The following DYNC1H1 variants were observed in gnomAD, a reference collection of about 807,000 sequenced individuals.
DYNC1H1 encodes cytoplasmic dynein 1 heavy chain 1.
A neutral mutation model predicts 527.1 loss-of-function variants in DYNC1H1; 51 were observed. That is an observed-to-expected ratio of 0.10 (90% CI 0.08 to 0.12). DYNC1H1 has a LOEUF of 0.12. Ranked by LOEUF, DYNC1H1 falls within the 10% of genes least tolerant of loss-of-function variation. The pLI is 1.00. For missense variants in DYNC1H1, 2,771 were observed against 5,971.8 expected (o/e 0.46, Z 17.66); for synonymous variants, 2,189 against 2,278.8 (o/e 0.96, Z 1.12).
In DYNC1H1 at chr14:102,020,048, C is replaced by T. The variant is rs1255566403; in HGVS notation, c.8499C>T (p.Phe2833=). 3 of 1,614,140 alleles carry T rather than the reference C, an allele frequency of 1.9e-6. No individual in the cohort carries two copies. Among genetic ancestry groups the T allele is most frequent in the Non-Finnish European group, 1.7e-6 (2 of 1,180,024 alleles). Residue 2833 remains phenylalanine (F), a synonymous_variant, in exon 42 of 78, where the codon TTC becomes TTT. Transcript: ENST00000360184. This position sits in a 1 kb window ranked among gnomAD's most constrained non-coding sequence, Gnocchi z 4.3. ...RIWAHEALRL[F]QDRLVEDEER... ...GGGCACATGAAGCTCTGCGTCTCTT[C>T]CAAGATAGGTAAGGGAAGCCGAGGA...
intron 72 of DYNC1H1, among the ~76,000 whole-genome samples, chr14:102,046,941 G>A (rs1411678326): frequency 6.6e-6 from 1 of 151,568 alleles, no homozygotes; most frequent in East Asian, 2.1e-4. Context: ...TGGGACCACA[G>A]GTGCCACCAC....
chr14:102,003,290 T>C (rs945042737), intron 23 of DYNC1H1, among the ~76,000 whole-genome samples: 1 of 148,162 alleles, frequency 6.7e-6, no homozygotes, highest in African/African-American at 2.5e-5. Flanking sequence ...TGAGATGGAG[T>C]CTTGCTCTGT....
In DYNC1H1 at chr14:101,964,613, C is replaced by A. The variant is rs2047640323; in HGVS notation, c.-79C>A. On this transcript the variant is annotated 5_prime_UTR_variant, in exon 1 of 78. Transcript: ENST00000360184. This position sits in a 1 kb window ranked among gnomAD's most constrained non-coding sequence, Gnocchi z 5.5. ...AGCGGACGGTCCGGCTTCCGGCGGC[C>A]GTTTCTGTCTCTTGCTGGCTGTCTC... 5 of 1,533,324 alleles carry A rather than the reference C, an allele frequency of 3.3e-6. No homozygotes were observed. Among genetic ancestry groups the A allele is most frequent in the Non-Finnish European group, 4.4e-6 (5 of 1,145,506 alleles). 95.0% of individuals were successfully genotyped at this position (1,533,324 alleles called of 1,614,324 possible).
In DYNC1H1 at chr14:102,048,051, G is replaced by A. The variant is rs748297766; in HGVS notation, c.13218+23G>A. 2.4e-5 allele frequency: 38 copies of A among 1,598,314 alleles called. 1 individual carries two copies. The highest frequency in any genetic ancestry group is 2.0e-4 in the South Asian group (18 of 89,758). On this transcript the variant is annotated intron_variant, in intron 73 of 77. Coordinates refer to ENST00000360184, the MANE Select transcript of DYNC1H1 (RefSeq NM_001376.5). ...AAGGTAGCTGGGAGGGTGGCGGGCC[G>A]GCCAGGTCTCAAGGTCCCAGGTGCT...
rs1366287305 is a variant in DYNC1H1, at chr14:102,001,779, T to C, written c.4542+98T>C. The C allele has an allele frequency of 4.5e-6, 7 of 1,538,696 alleles. No homozygotes were observed. The South Asian group carries it at 5.7e-5, about 13-fold the overall frequency. On this transcript the variant is annotated intron_variant, in intron 21 of 77. Transcript: ENST00000360184. The surrounding 1 kb of genome is among the most constrained non-coding windows in gnomAD (Gnocchi z 5.0). ...ACAGTTACTAGGTACCTGTTTTTTA[T>C]TGTATTTTTTGAGACAGGGTCTCAC...
chr14:101,978,099 G>A (rs1399156276), intron 2 of DYNC1H1, among the ~76,000 whole-genome samples: 2 of 152,112 alleles, frequency 1.3e-5, no homozygotes, highest in African/African-American at 2.4e-5. Flanking sequence ...CTGTCGCCCA[G>A]TCTGGAGTGC....
chr14:102,047,641 GTA>G (rs71116874), intron 72 of DYNC1H1, 174 bp from the exon 73 acceptor site: 36,100 of 262,136 alleles, frequency 0.14, 79 homozygotes, highest in Non-Finnish European at 0.16. Context: ...GTGTGTGTGT[GTA>G]TATATATATA....
chr14:102,001,496 C>T lies in DYNC1H1; in HGVS notation c.4396-39C>T. The T allele has an allele frequency of 6.2e-7, 1 of 1,614,038 alleles. No homozygotes were observed. Among genetic ancestry groups the T allele is most frequent in the Non-Finnish European group, 8.5e-7 (1 of 1,179,996 alleles). ...GTCCCTTGTGCAGGTAGTGAATGCC[C>T]ACATATTGATAACATGCATCTTTCT... On this transcript the variant is annotated intron_variant, in intron 20 of 77. Coordinates refer to ENST00000360184, the MANE Select transcript of DYNC1H1 (RefSeq NM_001376.5). This position sits in a 1 kb window ranked among gnomAD's most constrained non-coding sequence, Gnocchi z 5.0.
Position 102,029,265 on chromosome 14 carries a change from C to T in DYNC1H1, c.9469-274C>T, listed in dbSNP as rs143922959. 8.7e-4 allele frequency: 428 copies of T among 492,288 alleles called. 4 individuals are homozygous for T. The highest frequency in any genetic ancestry group is 7.7e-3 in the African/African-American group (396 of 51,638). 30.5% of individuals were successfully genotyped at this position (492,288 alleles called of 1,614,324 possible). A position where few individuals can be genotyped will look rare whatever the true frequency, so the allele number is the denominator to read the frequency against. ...TAGCTAACCTTTCTATAGTAACTGA[C>T]ATTTGTGATGCCTTTTCACATAAGT... On this transcript the variant is annotated intron_variant, in intron 48 of 77. Transcript: ENST00000360184. This position sits in a 1 kb window ranked among gnomAD's most constrained non-coding sequence, Gnocchi z 5.3.
chr14:102,049,997 C>G lies in DYNC1H1; in HGVS notation c.13685-74C>G, dbSNP rs941310711. 1 of 1,613,994 alleles carries G rather than the reference C, an allele frequency of 6.2e-7. No individual in the cohort carries two copies. The highest frequency in any genetic ancestry group is 1.3e-5 in the African/African-American group (1 of 74,924). On this transcript the variant is annotated intron_variant, in intron 76 of 77. Coordinates refer to ENST00000360184, the MANE Select transcript of DYNC1H1 (RefSeq NM_001376.5). This position sits in a 1 kb window ranked among gnomAD's most constrained non-coding sequence, Gnocchi z 5.5. ...ACCGGCTGGCAGTTGGGTGGAGCCT[C>G]TGGGCGCCCTGTGACTGGGGTTTGT...
intron 42 of DYNC1H1, among the ~76,000 whole-genome samples, chr14:102,022,130 TGTAA>T (rs766213169): frequency 1.1e-4 from 16 of 149,324 alleles, no homozygotes; most frequent in South Asian, 2.1e-4. Flanking sequence ...AGTGAGACTC[TGTAA>T]GTAAGTAAGT....
chr14:102,024,050 T>G (rs2048420100), intron 43 of DYNC1H1, among the ~76,000 whole-genome samples: 1 of 152,178 alleles, frequency 6.6e-6, no homozygotes, highest in African/African-American at 2.4e-5. Flanking sequence ...TGGCTGCTGT[T>G]GGGGTTCTGA....
rs1459629291 is a variant in DYNC1H1 at position 102,044,968 on chromosome 14, A to AT, written c.13006+271dup. 3 of 520,980 alleles carry AT rather than the reference A, an allele frequency of 5.8e-6. No homozygotes were observed. Among genetic ancestry groups the AT allele is most frequent in the Non-Finnish European group, 1.0e-5 (3 of 287,580 alleles). 32.3% of individuals were successfully genotyped at this position (520,980 alleles called of 1,614,324 possible). ...GAGAAAAGGCTTGATATTTATGTAA[A>AT]TGAGCCTAGAAATAACATTTAGATG... On this transcript the variant is annotated intron_variant, in intron 72 of 77. Coordinates refer to ENST00000360184, the MANE Select transcript of DYNC1H1 (RefSeq NM_001376.5). The surrounding 1 kb of genome is among the most constrained non-coding windows in gnomAD (Gnocchi z 7.1).
chr14:102,030,981 CAAAAG>C (rs1287896491), intron 51 of DYNC1H1, among the ~76,000 whole-genome samples: 6 of 151,420 alleles, frequency 4.0e-5, no homozygotes, highest in Admixed American at 3.9e-4. Flanking sequence ...TAAATGAAAA[CAAAAG>C]AAAAAAAAGA....
At position 102,016,025 on chromosome 14, in the gene DYNC1H1, A is replaced by G. The variant is rs1220699480; in HGVS notation, c.7412A>G (p.Gln2471Arg). The stretch of plus-strand genomic sequence containing the variant: ...CACCAGGCCTGCCGCAACGTGGCGC[A>G]GTATAACGCCAACCATCCCGACTTC... ...MLHQACRNVAQYNANHPDFPM... is the reference protein window; with the variant it reads ...MLHQACRNVARYNANHPDFPM... Residue 2471 changes from glutamine to arginine, a missense_variant, in exon 36 of 78, where the codon CAG (glutamine) becomes CGG (arginine). By Grantham distance (43) the Gln-to-Arg change is conservative (BLOSUM62 1). Transcript: ENST00000360184. This position sits in a 1 kb window ranked among gnomAD's most constrained non-coding sequence, Gnocchi z 7.3. The G allele has an allele frequency of 6.2e-7, 1 of 1,613,710 alleles. No homozygotes were observed. The highest frequency in any genetic ancestry group is 1.3e-5 in the African/African-American group (1 of 75,048).
At position 102,040,459 on chromosome 14, in the gene DYNC1H1, C is replaced by T. The variant is rs1196943553; in HGVS notation, c.11865+49C>T. On this transcript the variant is annotated intron_variant, in intron 63 of 77. Transcript: ENST00000360184. ...CAGTAGGTAAATGTTGGCCTTTTCC[C>T]AGGAAATGTAAGGAATTGCATGTGG... The T allele has an allele frequency of 1.9e-6, 3 of 1,613,510 alleles. No individual in the cohort carries two copies. The South Asian group carries it at 3.3e-5, about 18-fold the overall frequency.
At chr14:102,047,648 T>TATATATATATATATATACAC (rs1567025078) in intron 72 of DYNC1H1, 169 bp from the exon 73 acceptor site, 7 of 482,862 alleles carry the variant, frequency 1.4e-5, no homozygotes, top group Non-Finnish European at 2.5e-5. Context: ...TGTGTATATA[T>TATATATATATATATATACAC]ATATATATAT....
At chr14:102,028,247 C>T (rs1042524478) in intron 48 of DYNC1H1, 106 bp downstream of exon 48, 234 of 1,364,352 alleles carry the variant, frequency 1.7e-4, no homozygotes, top group Admixed American at 3.9e-4. Context: ...TGCAGTGACT[C>T]ATGCCTGTAA....
chr14:101,996,938 A>G, intron 15 of DYNC1H1, 97 bp from the exon 16 acceptor site: 6 of 1,514,596 alleles, frequency 4.0e-6, no homozygotes, highest in Non-Finnish European at 4.5e-6. Flanking sequence ...TACGTGTTTT[A>G]TAACTATAAA....
Sources: allele counts gnomAD v4.1 joint callset (sites outside exome capture counted in the v4.1 genomes callset), GRCh38; gene constraint gnomAD v4.1.1; non-coding constraint Gnocchi (gnomAD v3.1); transcripts MANE v1.5; gene names NCBI Gene and HGNC (gene_info 2026-07-23, HGNC 2026-07-21).